NRK: variants seen among roughly 807,000 people sequenced by gnomAD.
NRK encodes nik-related protein kinase.
Under a neutral mutation model 125.2 loss-of-function variants are expected in NRK, and 67 were observed. The ratio of observed to expected loss-of-function variants is 0.54; its 90% CI spans 0.44 to 0.66. The LOEUF is 0.66. Ranked by LOEUF, NRK falls within the 30% of genes least tolerant of loss-of-function variation. NRK has a pLI of 0.00. For synonymous variants in NRK, 458 were observed against 429.0 expected, an observed-to-expected ratio of 1.07 and a Z score of -0.84; for missense variants, 1,224 against 1,192.9, an observed-to-expected ratio of 1.03 and a Z score of -0.38.
chrX:105,946,473 A>C lies in NRK; in HGVS notation c.4353+9A>C, dbSNP rs187212925. 57 of 1,141,212 alleles carry C rather than the reference A, an allele frequency of 5.0e-5. No homozygotes were observed. The highest frequency in any genetic ancestry group is 1.9e-4 in the Admixed American group (8 of 41,422). 94.0% of individuals were successfully genotyped at this position (1,141,212 alleles called of 1,213,427 possible). On this transcript the variant is annotated intron_variant, in intron 26 of 28. Coordinates refer to ENST00000243300, the MANE Select transcript of NRK (RefSeq NM_198465.4). ...TGACCCTGCCAAAGAATGTAAGATA[A>C]CACCTTCAGATTCCTAGAAATTATT...
chrX:105,847,022 T>C (rs2039411768), intron 2 of NRK, among the ~76,000 whole-genome samples: 2 of 112,002 alleles, frequency 1.8e-5, no homozygotes, highest in African/African-American at 6.5e-5. Flanking sequence ...ATGCAGTAAA[T>C]GTCTGAGCCA....
At chrX:105,834,451 G>A (rs1375824174) in intron 2 of NRK, among the ~76,000 whole-genome samples, 2 of 105,829 alleles carry the variant, frequency 1.9e-5, no homozygotes, top group Non-Finnish European at 3.9e-5. Flanking sequence ...AGGTGTGTGC[G>A]TGTGTGTGTG....
At chrX:105,865,595 C>T (rs1015868506) in intron 2 of NRK, among the ~76,000 whole-genome samples, 1 of 110,846 alleles carries the variant, frequency 9.0e-6, no homozygotes, top group Non-Finnish European at 1.9e-5. Flanking sequence ...ATATTTAAAC[C>T]CACACAAGTG....
chrX:105,925,287 A>C, intron 19 of NRK, among the ~76,000 whole-genome samples: 1 of 111,439 alleles, frequency 9.0e-6, no homozygotes, highest in Non-Finnish European at 1.9e-5. Flanking sequence ...GTGTCTCTTG[A>C]CACACACTTT....
intron 2 of NRK, among the ~76,000 whole-genome samples, chrX:105,838,470 C>A (rs1280826125): frequency 1.8e-5 from 2 of 110,722 alleles, no homozygotes; most frequent in Non-Finnish European, 3.8e-5. Flanking sequence ...TGCCTTGGCC[C>A]TTCATGAGGT....
Position 105,882,527 on chromosome X carries a change from A to G in NRK, c.252+748A>G, listed in dbSNP as rs192051540. On this transcript the variant is annotated intron_variant, in intron 4 of 28. Coordinates refer to ENST00000243300, the MANE Select transcript of NRK (RefSeq NM_198465.4). ...GCCCAAAAGTTGAATTTTTGCTCTT[A>G]TCAATATAATGAATTGATATATTTT... Among the ~76,000 whole-genome samples, 18 of 111,598 alleles carry G rather than the reference A, an allele frequency of 1.6e-4. No individual in the cohort carries two copies. The East Asian group carries it at 5.1e-3, about 32-fold the overall frequency.
intron 14 of NRK, among the ~76,000 whole-genome samples, chrX:105,913,538 T>C (rs1388580767): frequency 8.9e-6 from 1 of 111,799 alleles, no homozygotes; most frequent in African/African-American, 3.2e-5. Flanking sequence ...TGTCAAGTGC[T>C]TGGTGGGAGA....
At chrX:105,934,476 A>G (rs933984791) in intron 20 of NRK, 32 bp downstream of exon 20, 1 of 954,197 alleles carries the variant, frequency 1.0e-6, no homozygotes, top group Non-Finnish European at 1.5e-6. Context: ...TCTAAATGCT[A>G]CTATCTGTTC....
chrX:105,903,201 A>T (rs1387287942), intron 9 of NRK, among the ~76,000 whole-genome samples: 1 of 111,297 alleles, frequency 9.0e-6, no homozygotes, highest in Non-Finnish European at 1.9e-5. Context: ...AAAGCTGTAC[A>T]CTAGTCAACT....
rs1378907401 is a variant in NRK, at chrX:105,946,324, A to G, written c.4213A>G (p.Thr1405Ala). The G allele has an allele frequency of 8.3e-7, 1 of 1,199,782 alleles. No individual in the cohort carries two copies. Among genetic ancestry groups the G allele is most frequent in the African/African-American group, 1.8e-5 (1 of 56,865 alleles). The change falls in exon 26 of 29, where the codon ACA becomes GCA. Residue 1405 changes from threonine to alanine, a missense_variant. Transcript: ENST00000243300. Reference sequence around the variant, plus strand: ...GGTTTTATATTCACAGGTATTTCCAACACTTGATCATAAGCCAGTGACAGT... The same window carrying G: ...GGTTTTATATTCACAGGTATTTCCAGCACTTGATCATAAGCCAGTGACAGT... Reference protein sequence around the residue: ...LHLLKLKVFPTLDHKPVTVDL... With the variant: ...LHLLKLKVFPALDHKPVTVDL...
At chrX:105,901,678 G>A (rs1239071838) in intron 9 of NRK, among the ~76,000 whole-genome samples, 2 of 111,395 alleles carry the variant, frequency 1.8e-5, no homozygotes, top group Non-Finnish European at 3.8e-5. Context: ...GTATCCCTTG[G>A]AATATTAAAG....
At chrX:105,926,996 T>C (rs1036202683) in intron 19 of NRK, among the ~76,000 whole-genome samples, 1 of 111,178 alleles carries the variant, frequency 9.0e-6, no homozygotes, top group Admixed American at 9.6e-5. Context: ...ATTTTAGGAT[T>C]TTTTTCCTAT....
At chrX:105,929,716 T>C (rs2040570976) in intron 19 of NRK, among the ~76,000 whole-genome samples, 1 of 111,828 alleles carries the variant, frequency 8.9e-6, no homozygotes, top group Non-Finnish European at 1.9e-5. Flanking sequence ...ATAGTTGTTA[T>C]TGTGTTTTTC....
At chrX:105,953,943 A>G (rs1025604119) in intron 28 of NRK, among the ~76,000 whole-genome samples, 2 of 111,138 alleles carry the variant, frequency 1.8e-5, no homozygotes, top group African/African-American at 6.5e-5. Flanking sequence ...AAAGTTGCCA[A>G]CTTACAATGT....
At chrX:105,886,208 G>A (rs886963502) in intron 4 of NRK, among the ~76,000 whole-genome samples, 2 of 109,174 alleles carry the variant, frequency 1.8e-5, no homozygotes, top group African/African-American at 6.7e-5. Context: ...TCCTTTCTGT[G>A]CAATCTTGTG....
intron 2 of NRK, among the ~76,000 whole-genome samples, chrX:105,855,542 G>A (rs1296638103): frequency 9.0e-6 from 1 of 111,417 alleles, no homozygotes; most frequent in Non-Finnish European, 1.9e-5. Flanking sequence ...TGCATTTGCA[G>A]CATACATAAT....
At chrX:105,934,036 C>G (rs2040629300) in intron 19 of NRK, among the ~76,000 whole-genome samples, 1 of 111,363 alleles carries the variant, frequency 9.0e-6, no homozygotes, top group African/African-American at 3.3e-5. Flanking sequence ...AGTTGGGAAC[C>G]TATAGCTCCT....
chrX:105,914,479 A>G (rs2040340131), intron 14 of NRK, among the ~76,000 whole-genome samples: 1 of 111,016 alleles, frequency 9.0e-6, no homozygotes, highest in Non-Finnish European at 1.9e-5. Flanking sequence ...ATTCTTACTA[A>G]TCATTTTCTT....
chrX:105,883,447 G>A lies in NRK; in HGVS notation c.252+1668G>A, dbSNP rs748820060. ...CACACACATCTCTTAGATGCCAGGGGTTTATGGAAATAGCAATAATATGTA... is the reference window on the plus strand; with the variant it reads ...CACACACATCTCTTAGATGCCAGGGATTTATGGAAATAGCAATAATATGTA... On this transcript the variant is annotated intron_variant, in intron 4 of 28. Coordinates refer to ENST00000243300, the MANE Select transcript of NRK (RefSeq NM_198465.4). 2.7e-5 allele frequency among the ~76,000 whole-genome samples: 3 copies of A among 111,849 alleles called. No individual in the cohort carries two copies. In the East Asian group the frequency reaches 8.5e-4, roughly 32 times the overall value.
Sources: gnomAD v4.1 joint callset for allele counts (sites outside exome capture counted in the v4.1 genomes callset) on GRCh38, gnomAD v4.1.1 for gene constraint, MANE v1.5 for transcripts, NCBI Gene and HGNC (gene_info 2026-07-23, HGNC 2026-07-21) for gene names.